Variants in TASP1 observed in about 807,000 individuals in gnomAD.
The protein encoded by TASP1 is taspase 1.
A neutral mutation model predicts 56.6 loss-of-function variants in TASP1; 16 were observed. The observed-to-expected ratio is 0.28, with a 90% confidence interval of 0.19 to 0.43. The LOEUF (loss-of-function observed/expected upper bound fraction) is 0.43. Ranked by LOEUF, TASP1 falls within the 20% of genes least tolerant of loss-of-function variation. The probability of loss-of-function intolerance (pLI) is 1.00; values close to 1 mark genes in which losing one functional copy is unlikely to be tolerated. For synonymous variants in TASP1, 179 were observed against 184.2 expected (o/e 0.97, Z 0.23); for missense variants, 393 against 511.6 (o/e 0.77, Z 2.24).
chr20:13,227,513 C>CTTT, the TASP1 span, among the ~76,000 whole-genome samples: 1 of 115,396 alleles, frequency 8.7e-6, no homozygotes, highest in Non-Finnish European at 1.8e-5. Context: ...CAACTTTTTT[C>CTTT]TTTTTTTTTT....
At chr20:13,630,681 C>T (rs2049050817) in intron 1 of TASP1, among the ~76,000 whole-genome samples, 1 of 93,028 alleles carries the variant, frequency 1.1e-5, no homozygotes. Context: ...AAAGTAAGCT[C>T]TGTCTCAAAA....
chr20:13,629,216 T>C (rs1157359077), intron 2 of TASP1, among the ~76,000 whole-genome samples: 2 of 151,740 alleles, frequency 1.3e-5, no homozygotes, highest in African/African-American at 4.8e-5. Context: ...ATACAAAAAT[T>C]AGCCAGACGT....
chr20:13,377,510 T>A, the TASP1 span, among the ~76,000 whole-genome samples: 6 of 152,238 alleles, frequency 3.9e-5, no homozygotes, highest in Non-Finnish European at 8.8e-5. Flanking sequence ...TCAGTGTTCA[T>A]CAGGGATATT....
intron 8 of TASP1, among the ~76,000 whole-genome samples, chr20:13,557,565 G>GT (rs2046201875): frequency 1.0e-5 from 1 of 99,802 alleles, no homozygotes; most frequent in African/African-American, 3.8e-5. Flanking sequence ...TTATTACGAT[G>GT]TTTTTGGTTT....
chr20:13,420,843 C>T (rs1021562004), intron 12 of TASP1, among the ~76,000 whole-genome samples: 1 of 152,150 alleles, frequency 6.6e-6, no homozygotes, highest in Non-Finnish European at 1.5e-5. Context: ...TCTGGGATCA[C>T]AAAGCCTGTG....
At chr20:13,446,273 TATATAACAC>T (rs1395855486) in intron 11 of TASP1, among the ~76,000 whole-genome samples, 1 of 152,122 alleles carries the variant, frequency 6.6e-6, no homozygotes, top group Admixed American at 6.6e-5. Context: ...ACAGACAATT[TATATAACAC>T]AGATACTAGG....
the TASP1 span, among the ~76,000 whole-genome samples, chr20:13,150,764 A>G: frequency 1.1e-4 from 17 of 152,110 alleles, no homozygotes; most frequent in Non-Finnish European, 1.9e-4. Flanking sequence ...CTTCAACCAC[A>G]TCTTGCCTTG....
At chr20:13,121,965 A>G in the TASP1 span, among the ~76,000 whole-genome samples, 1 of 152,250 alleles carries the variant, frequency 6.6e-6, no homozygotes, top group African/African-American at 2.4e-5. Flanking sequence ...GACATTGGGA[A>G]GAGCCCTTTT....
chr20:13,296,131 G>T, the TASP1 span, among the ~76,000 whole-genome samples: 1 of 152,040 alleles, frequency 6.6e-6, no homozygotes, highest in African/African-American at 2.4e-5. Flanking sequence ...CTTACCCACC[G>T]CAGCTCACTG....
chr20:13,288,720 G>A, the TASP1 span: 7 of 1,574,642 alleles, frequency 4.4e-6, no homozygotes, highest in Admixed American at 7.2e-5. Context: ...AAGTTCAAGG[G>A]GAAAGCTTTT....
At chr20:13,439,507 G>A (rs1448035449) in intron 11 of TASP1, among the ~76,000 whole-genome samples, 1 of 152,132 alleles carries the variant, frequency 6.6e-6, no homozygotes, top group African/African-American at 2.4e-5. Context: ...GGCCTGTTGT[G>A]GGGTCGGGGG....
intron 12 of TASP1, among the ~76,000 whole-genome samples, chr20:13,425,602 C>T (rs1051122866): frequency 3.3e-5 from 5 of 152,286 alleles, no homozygotes; most frequent in Admixed American, 3.3e-4. Context: ...TTGGGCTGGG[C>T]AGTTGCCAAG....
At chr20:13,184,343 T>C in the TASP1 span, among the ~76,000 whole-genome samples, 1 of 152,218 alleles carries the variant, frequency 6.6e-6, no homozygotes, top group Non-Finnish European at 1.5e-5. Flanking sequence ...TGTATTGTAA[T>C]AGTACATAAG....
intron 5 of TASP1, among the ~76,000 whole-genome samples, chr20:13,582,942 C>A (rs1051178497): frequency 2.0e-5 from 3 of 152,162 alleles, no homozygotes; most frequent in African/African-American, 7.2e-5. Context: ...TGTTGTCTTG[C>A]GCACCAGGCT....
chr20:13,204,477 A>G, the TASP1 span, among the ~76,000 whole-genome samples: 1 of 151,784 alleles, frequency 6.6e-6, no homozygotes, highest in Non-Finnish European at 1.5e-5. Context: ...CATTTATTTC[A>G]TGTGGGCGAT....
intron 11 of TASP1, among the ~76,000 whole-genome samples, chr20:13,441,282 AG>A (rs1376958967): frequency 1.3e-5 from 2 of 152,182 alleles, no homozygotes; most frequent in Admixed American, 1.3e-4. Flanking sequence ...ACTAAGTGCC[AG>A]GACTCTTCCA....
chr20:13,445,285 A>G (rs542822331), intron 11 of TASP1, among the ~76,000 whole-genome samples: 2 of 152,344 alleles, frequency 1.3e-5, no homozygotes, highest in African/African-American at 4.8e-5. Context: ...TGTACCTAAT[A>G]CTGTACTAGA....
chr20:13,316,258 C>T, the TASP1 span, among the ~76,000 whole-genome samples: 8 of 151,856 alleles, frequency 5.3e-5, no homozygotes, highest in Admixed American at 2.6e-4. Flanking sequence ...AACAGACAAT[C>T]TGAAAAGGTC....
At chr20:13,396,390 T>C (rs2041538398) in intron 13 of TASP1, among the ~76,000 whole-genome samples, 1 of 152,222 alleles carries the variant, frequency 6.6e-6, no homozygotes, top group South Asian at 2.1e-4. Flanking sequence ...ACATGAACCT[T>C]CTTAATATAG....
Sources: allele counts gnomAD v4.1 joint callset (sites outside exome capture counted in the v4.1 genomes callset), GRCh38; gene constraint gnomAD v4.1.1; transcripts MANE v1.5; gene names NCBI Gene and HGNC (gene_info 2026-07-23, HGNC 2026-07-21).